The following TRIM68 variants were observed in gnomAD, a reference collection of about 807,000 sequenced individuals.
The protein encoded by TRIM68 is E3 ubiquitin-protein ligase TRIM68.
TRIM68 carries 36 observed loss-of-function variants against 41.9 expected under a neutral mutation model. That is an observed-to-expected ratio of 0.86 (90% confidence interval 0.66 to 1.14). TRIM68 has a LOEUF of 1.14. TRIM68 is among the 50% of genes most tolerant of loss of function. The pLI is 0.00. For missense variants in TRIM68, 632 were observed against 605.1 expected (o/e 1.04, Z -0.47); for synonymous variants, 225 against 224.6 (o/e 1.00, Z -0.02).
intron 1 of TRIM68, among the ~76,000 whole-genome samples, chr11:4,606,993 C>T (rs914192437): frequency 5.3e-5 from 8 of 152,284 alleles, no homozygotes; most frequent in African/African-American, 1.9e-4. Flanking sequence ...ATCCTAAAAC[C>T]TCATTTTGGT....
chr11:4,604,956 T>A (rs1846545593), intron 2 of TRIM68, 123 bp downstream of exon 2: 1 of 1,031,508 alleles, frequency 9.7e-7, no homozygotes, highest in Non-Finnish European at 1.4e-6. Flanking sequence ...TCCAGGGATC[T>A]CTGGGTGTCA....
intron 5 of TRIM68, 156 bp from the exon 6 acceptor site, chr11:4,601,283 T>G (rs1022620904): frequency 1.5e-6 from 1 of 661,746 alleles, no homozygotes; most frequent in Non-Finnish European, 2.7e-6. Context: ...CTCAAGCTGT[T>G]TGTGTGCAGA....
At chr11:4,605,970 T>G (rs1846562849) in intron 1 of TRIM68, among the ~76,000 whole-genome samples, 1 of 152,220 alleles carries the variant, frequency 6.6e-6, no homozygotes, top group Non-Finnish European at 1.5e-5. Context: ...CCAGCCTCAC[T>G]CTCTGGTATG....
chr11:4,603,106 A>G, intron 3 of TRIM68, 139 bp downstream of exon 3: 1 of 801,396 alleles, frequency 1.2e-6, no homozygotes, highest in East Asian at 2.5e-5. Flanking sequence ...TGGGACAGAG[A>G]AAGCAGGGAT....
chr11:4,600,938 A>T, intron 6 of TRIM68, 89 bp downstream of exon 6: 2 of 1,565,368 alleles, frequency 1.3e-6, no homozygotes, highest in Admixed American at 1.7e-5. Flanking sequence ...GTGAGGCTGG[A>T]TGGAGCACCC....
intron 1 of TRIM68, among the ~76,000 whole-genome samples, chr11:4,606,153 T>C (rs1221199402): frequency 6.6e-6 from 1 of 152,252 alleles, no homozygotes; most frequent in African/African-American, 2.4e-5. Flanking sequence ...CCAGCACTAA[T>C]GTACTTATTA....
rs750120044 is a variant in TRIM68, at chr11:4,605,296, C to T, written c.209G>A (p.Arg70Gln). Residue 70 changes from arginine (R) to glutamine (Q), a missense_variant, in exon 2 of 7, where the codon CGG (arginine) becomes CAG (glutamine). Transcript: ENST00000300747. ...CRAPVQPRNL[R>Q]PNWQLANVVE... ...AACATTGGCCAGCTGCCAATTAGGC[C>T]GCAGGTTCCTTGGCTGGACAGGAGC... 73 of 1,614,088 alleles carry T rather than the reference C, an allele frequency of 4.5e-5. No homozygotes were observed. Among genetic ancestry groups the T allele is most frequent in the South Asian group, 8.8e-5 (8 of 91,090 alleles).
intron 2 of TRIM68, 121 bp from the exon 3 acceptor site, chr11:4,603,461 G>C: frequency 2.4e-6 from 2 of 823,014 alleles, no homozygotes; most frequent in Non-Finnish European, 3.9e-6. Context: ...GTGGGGAAAG[G>C]GAATGCCACA....
rs1386503502 is a variant in TRIM68, at chr11:4,599,259, G to C, written c.*1017C>G. On this transcript the variant is annotated 3_prime_UTR_variant, in exon 7 of 7. Coordinates refer to ENST00000300747, the MANE Select transcript of TRIM68 (RefSeq NM_018073.8). ...TGCCTCTAATCCCAGCACTGTGGGA[G>C]GCTGAGGAGGGCGGATCATGAGGTC... The C allele has an allele frequency of 6.6e-6, 1 of 152,154 alleles. No homozygotes were observed. The highest frequency in any genetic ancestry group is 1.5e-5 in the Non-Finnish European group (1 of 68,038). The allele number at this position is 152,154 out of a possible 1,614,324, so 9.4% of individuals were successfully genotyped here.
At position 4,605,466 on chromosome 11, in the gene TRIM68, T is replaced by G. The variant is rs1263691718; in HGVS notation, c.39A>C (p.Glu13Asp). Residue 13 changes from glutamate (E) to aspartate (D), a missense_variant, in exon 2 of 7, where the codon GAA becomes GAC. By Grantham distance (45) the Glu-to-Asp change is conservative (BLOSUM62 2). Transcript: ENST00000300747. ...AGGTCATACAGATGGGACAGGCCAC[T>G]TCTTCCACAATGGCTTCCACCAAGG... ...PTALVEAIVEEVACPICMTFL... is the reference protein window; with the variant it reads ...PTALVEAIVEDVACPICMTFL... 1.2e-6 allele frequency: 2 copies of G among 1,612,310 alleles called. No homozygotes were observed. The highest frequency in any genetic ancestry group is 2.2e-5 in the South Asian group (2 of 91,024).
In TRIM68 at chr11:4,600,017, C is replaced by G. The variant is rs1357828719; in HGVS notation, c.*259G>C. The G allele has an allele frequency of 4.8e-6, 2 of 415,872 alleles. No homozygotes were observed. Among genetic ancestry groups the G allele is most frequent in the Non-Finnish European group, 4.3e-6 (1 of 232,888 alleles). The allele number at this position is 415,872 out of a possible 1,614,324, so 25.8% of individuals were successfully genotyped here. ...CTTACCCCAACGAGTCACCTTAGAACTGCTCTGATCCTCACCATCAGCCCT... is the reference window on the plus strand; with the variant it reads ...CTTACCCCAACGAGTCACCTTAGAAGTGCTCTGATCCTCACCATCAGCCCT... On this transcript the variant is annotated 3_prime_UTR_variant, in exon 7 of 7. Transcript: ENST00000300747.
rs1846458611 is a variant in TRIM68 at position 4,600,152 on chromosome 11, C to T, written c.*124G>A. ...TGGTAGCAAAGACCAAAGGATCAGA[C>T]AGAGGAATCCTTGGATACTGGGCTC... On this transcript the variant is annotated 3_prime_UTR_variant, in exon 7 of 7. Coordinates refer to ENST00000300747, the MANE Select transcript of TRIM68 (RefSeq NM_018073.8). 1 of 1,001,120 alleles carries T rather than the reference C, an allele frequency of 1.0e-6. No homozygotes were observed. The highest frequency in any genetic ancestry group is 2.8e-5 in the Admixed American group (1 of 35,950). 62.0% of individuals were successfully genotyped at this position (1,001,120 alleles called of 1,614,324 possible).
chr11:4,607,835 G>T (rs1375871376), intron 1 of TRIM68, among the ~76,000 whole-genome samples, 192 bp downstream of exon 1: 1 of 152,220 alleles, frequency 6.6e-6, no homozygotes, highest in East Asian at 1.9e-4. Flanking sequence ...TGAGAAGGGG[G>T]CGGGGCCTGG....
At chr11:4,601,579 C>G in intron 5 of TRIM68, 85 bp downstream of exon 5, 1 of 1,459,166 alleles carries the variant, frequency 6.9e-7, no homozygotes, top group Non-Finnish European at 9.6e-7. Context: ...TGCACCGAGT[C>G]TGTGCTCCGT....
chr11:4,603,419 A>T (rs1164742413), intron 2 of TRIM68, 79 bp from the exon 3 acceptor site: 2 of 1,375,820 alleles, frequency 1.5e-6, no homozygotes, highest in Non-Finnish European at 2.1e-6. Context: ...GGAGAACCAG[A>T]GTCCTTCAGG....
rs770162048 is a variant in TRIM68, at chr11:4,602,221, G to C, written c.714C>G (p.Ser238Arg). 4.3e-6 allele frequency: 7 copies of C among 1,613,998 alleles called. No homozygotes were observed. The highest frequency in any genetic ancestry group is 5.9e-6 in the Non-Finnish European group (7 of 1,180,034). ...CTGCAATCATCCTCCACAGGACCTG[G>C]CTCTGCTGGATGAGCTCGCTATGGT... The part of the protein sequence containing the change: ...ELNHSELIQQ[S>R]QVLWRMIAEL... Residue 238 changes from serine (S) to arginine (R), a missense_variant, in exon 4 of 7, where the codon AGC becomes AGG. By Grantham distance (110) the Ser-to-Arg change is moderately radical. Coordinates refer to ENST00000300747, the MANE Select transcript of TRIM68 (RefSeq NM_018073.8).
chr11:4,602,124 A>G, intron 4 of TRIM68, 28 bp downstream of exon 4: 3 of 1,613,698 alleles, frequency 1.9e-6, no homozygotes, highest in Non-Finnish European at 2.5e-6. Context: ...GCTGTCACTC[A>G]GGGTTACCAG....
intron 1 of TRIM68, among the ~76,000 whole-genome samples, chr11:4,606,443 T>C (rs1846568932): frequency 6.6e-6 from 1 of 152,254 alleles, no homozygotes; most frequent in Admixed American, 6.5e-5. Flanking sequence ...AGGGACATGT[T>C]GATCCTAGTT....
At chr11:4,603,528 T>C (rs997170819) in intron 2 of TRIM68, among the ~76,000 whole-genome samples, 188 bp from the exon 3 acceptor site, 1 of 152,228 alleles carries the variant, frequency 6.6e-6, no homozygotes, top group African/African-American at 2.4e-5. Context: ...CTGAGAATCA[T>C]TTCAACTCCC....
Sources: allele counts gnomAD v4.1 joint callset (sites outside exome capture counted in the v4.1 genomes callset), GRCh38; gene constraint gnomAD v4.1.1; transcripts MANE v1.5; gene names NCBI Gene and HGNC (gene_info 2026-07-23, HGNC 2026-07-21).